Variants in ARNT2 observed in about 807,000 individuals in gnomAD.
The protein encoded by ARNT2 is aryl hydrocarbon receptor nuclear translocator 2.
Under a neutral mutation model 91.7 loss-of-function variants are expected in ARNT2, and 36 were observed. The ratio of observed to expected loss-of-function variants is 0.39; its 90% CI spans 0.30 to 0.52. The LOEUF is 0.52. Ranked by LOEUF, ARNT2 falls within the 20% of genes least tolerant of loss-of-function variation. ARNT2 has a pLI of 0.72. For missense variants in ARNT2, 775 were observed against 939.3 expected, an observed-to-expected ratio of 0.83 and a Z score of 2.29; for synonymous variants, 365 against 347.1, an observed-to-expected ratio of 1.05 and a Z score of -0.57.
rs757289185 is a variant in ARNT2 at position 80,513,974 on chromosome 15, C to T, written c.789C>T (p.Phe263=). 2.5e-6 allele frequency: 4 copies of T among 1,612,154 alleles called. No individual in the cohort carries two copies. The South Asian group carries it at 3.3e-5, about 13-fold the overall frequency. Residue 263 remains phenylalanine (F), a splice_region_variant and synonymous_variant, in exon 7 of 19, where the codon TTC becomes TTT. Coordinates refer to ENST00000303329, the MANE Select transcript of ARNT2 (RefSeq NM_014862.4). ...LNRITTMRKR[F]RNGLGPVKEG... ...GAATAACCACCATGAGGAAAAGGTT[C>T]AGGTCAGTATCTCTTCCGATGTATA...
At chr15:80,549,875 G>T (rs1214425903) in intron 8 of ARNT2, among the ~76,000 whole-genome samples, 2 of 152,160 alleles carry the variant, frequency 1.3e-5, no homozygotes, top group East Asian at 3.8e-4. Context: ...CACTTCTGAT[G>T]ATAATAAAAC....
intron 6 of ARNT2, among the ~76,000 whole-genome samples, chr15:80,510,461 C>A (rs749763742): frequency 2.0e-5 from 3 of 152,102 alleles, no homozygotes; most frequent in Non-Finnish European, 4.4e-5. Context: ...AGCTCAATAT[C>A]ACTGATTATT....
At chr15:80,469,856 C>T (rs965132880) in intron 3 of ARNT2, among the ~76,000 whole-genome samples, 9 of 152,246 alleles carry the variant, frequency 5.9e-5, no homozygotes, top group Non-Finnish European at 1.2e-4. Context: ...TTTAAGTAAT[C>T]TGCACACCTT....
intron 17 of ARNT2, among the ~76,000 whole-genome samples, chr15:80,590,765 T>C (rs1346924593): frequency 6.6e-6 from 1 of 152,188 alleles, no homozygotes. Context: ...CAATTCCACT[T>C]ATGTTTCCTA....
intron 5 of ARNT2, among the ~76,000 whole-genome samples, chr15:80,503,022 A>T (rs1897221970): frequency 6.6e-6 from 1 of 152,214 alleles, no homozygotes; most frequent in Admixed American, 6.5e-5. Flanking sequence ...CCTTGGCTGG[A>T]TGGATTGTGC....
intron 1 of ARNT2, among the ~76,000 whole-genome samples, chr15:80,435,920 C>A (rs1349058945): frequency 6.6e-6 from 1 of 152,160 alleles, no homozygotes; most frequent in African/African-American, 2.4e-5. Flanking sequence ...GCTAGTGCGT[C>A]CCAGCTACGA....
At chr15:80,444,022 A>G (rs1384648317) in intron 1 of ARNT2, among the ~76,000 whole-genome samples, 3 of 152,224 alleles carry the variant, frequency 2.0e-5, no homozygotes, top group Non-Finnish European at 4.4e-5. Context: ...TCATGTTTCT[A>G]TGCTGCACCA....
intron 5 of ARNT2, among the ~76,000 whole-genome samples, chr15:80,486,880 T>G (rs1230185041): frequency 1.3e-5 from 2 of 152,190 alleles, no homozygotes; most frequent in Non-Finnish European, 2.9e-5. Context: ...TGGAGCCCAT[T>G]CAGATGTGAA....
chr15:80,508,409 T>G, intron 6 of ARNT2, 151 bp downstream of exon 6: 1 of 657,918 alleles, frequency 1.5e-6, no homozygotes, highest in Non-Finnish European at 2.7e-6. Flanking sequence ...CATGCAGATA[T>G]ACAGGATCCT....
chr15:80,431,582 AG>A (rs1896012121), intron 1 of ARNT2, among the ~76,000 whole-genome samples: 1 of 152,158 alleles, frequency 6.6e-6, no homozygotes, highest in South Asian at 2.1e-4. Flanking sequence ...GCCGGAAGAT[AG>A]TCTGAAGCGG....
intron 8 of ARNT2, among the ~76,000 whole-genome samples, chr15:80,543,453 C>T (rs577627301): frequency 1.3e-5 from 2 of 152,236 alleles, no homozygotes; most frequent in South Asian, 2.1e-4. Flanking sequence ...GACAGTATCC[C>T]GTGTCATGAT....
At chr15:80,530,359 G>T (rs889724126) in intron 8 of ARNT2, among the ~76,000 whole-genome samples, 1 of 152,112 alleles carries the variant, frequency 6.6e-6, no homozygotes. Flanking sequence ...CCACCATACT[G>T]CTTGCTGGGA....
At chr15:80,435,007 G>A (rs1055502907) in intron 1 of ARNT2, among the ~76,000 whole-genome samples, 2 of 152,034 alleles carry the variant, frequency 1.3e-5, no homozygotes, top group African/African-American at 4.8e-5. Flanking sequence ...CCTTACCTGC[G>A]GGTAAACCAC....
intron 1 of ARNT2, among the ~76,000 whole-genome samples, chr15:80,450,382 A>C (rs1273058438): frequency 6.6e-6 from 1 of 152,168 alleles, no homozygotes; most frequent in African/African-American, 2.4e-5. Context: ...AGGGCTTCTG[A>C]GTCCAGAGTA....
chr15:80,449,694 C>G (rs1459314892), intron 1 of ARNT2, among the ~76,000 whole-genome samples: 1 of 152,142 alleles, frequency 6.6e-6, no homozygotes, highest in Non-Finnish European at 1.5e-5. Flanking sequence ...TCAAGTTGAG[C>G]TTCAAATGTG....
rs201460347 is a variant in ARNT2 at position 80,577,067 on chromosome 15, T to C, written c.1613+102T>C. ...TCTGTGGGCTGTAAGCATGAGTTAG[T>C]GGTTACTGGCGCTCAGGCCTTGGAC... On this transcript the variant is annotated intron_variant, in intron 15 of 18. Transcript: ENST00000303329. 5.9e-6 allele frequency: 7 copies of C among 1,182,970 alleles called. No individual in the cohort carries two copies. In the East Asian group the frequency reaches 1.7e-4, roughly 28 times the overall value. The allele number at this position is 1,182,970 out of a possible 1,614,324, so 73.3% of individuals were successfully genotyped here. A position where few individuals can be genotyped will look rare whatever the true frequency, so the allele number is the denominator to read the frequency against.
intron 1 of ARNT2, among the ~76,000 whole-genome samples, chr15:80,418,916 C>A (rs1236355081): frequency 3.9e-5 from 6 of 152,212 alleles, no homozygotes; most frequent in Non-Finnish European, 8.8e-5. Context: ...ATCTGCCCTT[C>A]ATTCCTCACG....
intron 11 of ARNT2, chr15:80,556,418 T>C (rs370943627): frequency 2.4e-4 from 36 of 152,446 alleles, no homozygotes; most frequent in African/African-American, 7.9e-4. Flanking sequence ...AGGAAATAAC[T>C]GGAAACAAAG....
Position 80,594,502 on chromosome 15 carries a change from AG to A in ARNT2, c.*808del, listed in dbSNP as rs1893339346. 6.6e-6 allele frequency: 1 copy of A among 152,328 alleles called. No homozygotes were observed. The highest frequency in any genetic ancestry group is 1.5e-5 in the Non-Finnish European group (1 of 68,140). 9.4% of individuals were successfully genotyped at this position (152,328 alleles called of 1,614,324 possible). ...GGCAGGGTCACCAGGAGGCACAGCTAGGGGCATGCTCACATGGGTAGGTCAG... is the reference window on the plus strand; with the variant it reads ...GGCAGGGTCACCAGGAGGCACAGCTAGGGCATGCTCACATGGGTAGGTCAG... On this transcript the variant is annotated 3_prime_UTR_variant, in exon 19 of 19. Coordinates refer to ENST00000303329, the MANE Select transcript of ARNT2 (RefSeq NM_014862.4).
Sources: gnomAD v4.1 joint callset for allele counts (sites outside exome capture counted in the v4.1 genomes callset) on GRCh38, gnomAD v4.1.1 for gene constraint, MANE v1.5 for transcripts, NCBI Gene and HGNC (gene_info 2026-07-23, HGNC 2026-07-21) for gene names.